Variants in ADCY8 observed in about 807,000 individuals in gnomAD.
ADCY8 encodes the protein adenylate cyclase 8, also known as adenylate cyclase type 8.
In ADCY8, 51 loss-of-function variants were observed where a neutral mutation model predicts 119.7. The ratio of observed to expected loss-of-function variants is 0.43; its 90% CI spans 0.34 to 0.54. The LOEUF is 0.54. Ranked by LOEUF, ADCY8 falls within the 20% of genes least tolerant of loss-of-function variation. ADCY8 has a pLI of 0.03. For synonymous variants in ADCY8, 665 were observed against 651.0 expected (o/e 1.02, Z -0.33); for missense variants, 1,383 against 1,598.8 (o/e 0.87, Z 2.30).
At chr8:131,006,035 T>C (rs561802733) in intron 1 of ADCY8, among the ~76,000 whole-genome samples, 79 of 151,566 alleles carry the variant, frequency 5.2e-4, no homozygotes, top group African/African-American at 1.5e-3. Flanking sequence ...CTCTCTCTCT[T>C]TCTCTCTCTC....
At chr8:130,905,890 A>C (rs1749883911) in intron 6 of ADCY8, among the ~76,000 whole-genome samples, 1 of 152,192 alleles carries the variant, frequency 6.6e-6, no homozygotes, top group African/African-American at 2.4e-5. Context: ...TTAATTAAAT[A>C]AAATGCAGTT....
At position 131,002,379 on chromosome 8, in the gene ADCY8, C is replaced by T. The variant is rs186503729; in HGVS notation, c.961-11837G>A. On this transcript the variant is annotated intron_variant, in intron 1 of 17. Coordinates refer to ENST00000286355, the MANE Select transcript of ADCY8 (RefSeq NM_001115.3). ...AAGGCCACTTGAGGAACAGTTATCG[C>T]GAAGGTTAAACTCTTTAAGGATTCA... Among the ~76,000 whole-genome samples, 510 of 152,088 alleles carry T rather than the reference C, an allele frequency of 3.4e-3. 2 individuals are homozygous for T. Among genetic ancestry groups the T allele is most frequent in the Admixed American group, 5.2e-3 (79 of 15,270 alleles).
intron 13 of ADCY8, among the ~76,000 whole-genome samples, chr8:130,820,159 C>T (rs531603798): frequency 2.0e-5 from 3 of 152,332 alleles, no homozygotes; most frequent in African/African-American, 4.8e-5. Context: ...ATTTCCTTCA[C>T]TTGCCAAGTT....
intron 2 of ADCY8, among the ~76,000 whole-genome samples, chr8:130,990,140 GGTGTC>G (rs1198645063): frequency 2.6e-5 from 4 of 152,336 alleles, no homozygotes; most frequent in African/African-American, 9.6e-5. Flanking sequence ...GTCAGTGAAA[GGTGTC>G]AGAAAATAAA....
At chr8:130,969,309 C>T (rs1043383594) in intron 2 of ADCY8, among the ~76,000 whole-genome samples, 5 of 152,250 alleles carry the variant, frequency 3.3e-5, no homozygotes, top group Admixed American at 1.3e-4. Context: ...TTGGCTCTTT[C>T]CTCAGTTTCC....
chr8:130,972,423 C>T (rs1298769990), intron 2 of ADCY8, among the ~76,000 whole-genome samples: 1 of 152,080 alleles, frequency 6.6e-6, no homozygotes, highest in African/African-American at 2.4e-5. Flanking sequence ...CACATACAGA[C>T]AATGAAACAG....
chr8:130,997,293 G>A lies in ADCY8; in HGVS notation c.961-6751C>T, dbSNP rs117434111. 9.0e-4 allele frequency among the ~76,000 whole-genome samples: 137 copies of A among 152,010 alleles called. 1 individual carries two copies. In the East Asian group the frequency reaches 0.02, roughly 22 times the overall value. ...TAAAAATAAGTACGTAAGTCTGCAC[G>A]CACTTGTGTAAATATGTGTGTATCT... On this transcript the variant is annotated intron_variant, in intron 1 of 17. Coordinates refer to ENST00000286355, the MANE Select transcript of ADCY8 (RefSeq NM_001115.3).
At position 130,943,387 on chromosome 8, in the gene ADCY8, G is replaced by A. The variant is rs1196421199; in HGVS notation, c.1317C>T (p.Leu439=). ...GATCAAATCTGGCAAAGAGCTCGTTGAGCATCCTGACCAGCTCCTGAGCAG... is the reference window on the plus strand; with the variant it reads ...GATCAAATCTGGCAAAGAGCTCGTTAAGCATCCTGACCAGCTCCTGAGCAG... ...TLSAQELVRM[L]NELFARFDRL... The change falls in exon 4 of 18, where the codon CTC becomes CTT. Residue 439 remains leucine, a synonymous_variant. Coordinates refer to ENST00000286355, the MANE Select transcript of ADCY8 (RefSeq NM_001115.3). 7 of 1,602,356 alleles carry A rather than the reference G, an allele frequency of 4.4e-6. No individual in the cohort carries two copies. Among genetic ancestry groups the A allele is most frequent in the Non-Finnish European group, 1.7e-6 (2 of 1,173,216 alleles).
intron 2 of ADCY8, among the ~76,000 whole-genome samples, chr8:130,975,189 C>T (rs571469407): frequency 1.3e-5 from 2 of 152,248 alleles, no homozygotes; most frequent in South Asian, 2.1e-4. Context: ...CTCAAAAATC[C>T]TTTCTAAAAT....
chr8:130,959,774 G>T (rs543469812), intron 2 of ADCY8, among the ~76,000 whole-genome samples: 3 of 152,160 alleles, frequency 2.0e-5, no homozygotes, highest in Admixed American at 1.3e-4. Flanking sequence ...ATGTGCAAAG[G>T]CCTGATTGAA....
intron 2 of ADCY8, among the ~76,000 whole-genome samples, chr8:130,959,403 T>C (rs2130678679): frequency 6.6e-6 from 1 of 152,302 alleles, no homozygotes; most frequent in East Asian, 1.9e-4. Context: ...AAATTTACCT[T>C]AGTGTAACAT....
At chr8:130,838,514 GGCCCTCC>G (rs1817054718) in intron 11 of ADCY8, among the ~76,000 whole-genome samples, 1 of 96,170 alleles carries the variant, frequency 1.0e-5, no homozygotes, top group Non-Finnish European at 2.8e-5. Context: ...GAAACTCTAA[GGCCCTCC>G]AGTTTGACAA....
chr8:130,867,908 C>G lies in ADCY8; in HGVS notation c.2148G>C (p.Leu716Phe). 1 of 1,611,494 alleles carries G rather than the reference C, an allele frequency of 6.2e-7. No individual in the cohort carries two copies. The highest frequency in any genetic ancestry group is 8.5e-7 in the Non-Finnish European group (1 of 1,178,722). ...ATAGAAGAACGATAAATGCACAGAC[C>G]AAGTTTGACTTGAACACTTCATCCC... ...QMRDEVFKSNLVCAFIVLLFI... is the reference protein window; with the variant it reads ...QMRDEVFKSNFVCAFIVLLFI... The change falls in exon 9 of 18, where the codon TTG becomes TTC. Residue 716 changes from leucine to phenylalanine, a missense_variant. By Grantham distance (22) the Leu-to-Phe change is conservative (BLOSUM62 0). This residue lies in a region of ADCY8 where 928 missense variants were observed against 1,163.5 expected (regional missense o/e 0.80). Coordinates refer to ENST00000286355, the MANE Select transcript of ADCY8 (RefSeq NM_001115.3).
chr8:130,986,836 A>T (rs1345781706), intron 2 of ADCY8, among the ~76,000 whole-genome samples: 3 of 152,220 alleles, frequency 2.0e-5, no homozygotes, highest in African/African-American at 7.2e-5. Context: ...CAGGAAATAT[A>T]TATCTGTTAT....
intron 2 of ADCY8, among the ~76,000 whole-genome samples, chr8:130,990,165 G>A (rs142964884): frequency 7.9e-5 from 12 of 152,202 alleles, no homozygotes; most frequent in African/African-American, 2.9e-4. Flanking sequence ...ATTTGTGACT[G>A]TAACCTCTTT....
intron 7 of ADCY8, among the ~76,000 whole-genome samples, chr8:130,889,486 A>G (rs773655285): frequency 6.6e-6 from 1 of 152,082 alleles, no homozygotes; most frequent in Non-Finnish European, 1.5e-5. Flanking sequence ...AATTGCCTCT[A>G]TATGTTTCAT....
At chr8:130,890,040 T>C (rs1369492478) in intron 7 of ADCY8, among the ~76,000 whole-genome samples, 2 of 152,086 alleles carry the variant, frequency 1.3e-5, no homozygotes, top group Admixed American at 6.6e-5. Context: ...GTTTTATCTA[T>C]AACTGAGTCT....
chr8:130,846,224 T>C (rs946712431), intron 11 of ADCY8, among the ~76,000 whole-genome samples: 2 of 152,088 alleles, frequency 1.3e-5, no homozygotes, highest in Non-Finnish European at 2.9e-5. Flanking sequence ...TGGGGTTGGC[T>C]GGGGTCTGCT....
intron 8 of ADCY8, among the ~76,000 whole-genome samples, chr8:130,877,692 A>T (rs1172537778): frequency 6.6e-6 from 1 of 152,212 alleles, no homozygotes; most frequent in Non-Finnish European, 1.5e-5. Context: ...AACAATCCTT[A>T]TCTTTTTTTG....
Sources: gnomAD v4.1 joint callset for allele counts (sites outside exome capture counted in the v4.1 genomes callset) on GRCh38, gnomAD v4.1.1 for gene constraint, gnomAD v4.1.1 regional missense constraint, MANE v1.5 for transcripts, NCBI Gene and HGNC (gene_info 2026-07-23, HGNC 2026-07-21) for gene names.